Variants in SMC6 observed in about 807,000 individuals in gnomAD.
The protein encoded by SMC6 is structural maintenance of chromosomes 6.
In SMC6, 79 loss-of-function variants were observed where a neutral mutation model predicts 142.2. The ratio of observed to expected loss-of-function variants is 0.56; its 90% CI spans 0.46 to 0.67. The LOEUF (loss-of-function observed/expected upper bound fraction) is 0.67, where lower values mean the gene tolerates loss of function less well. Ranked by LOEUF, SMC6 falls within the 30% of genes least tolerant of loss-of-function variation. The probability of loss-of-function intolerance (pLI) is 0.00; values close to 1 mark genes in which losing one functional copy is unlikely to be tolerated. For synonymous variants in SMC6, 411 were observed against 412.4 expected, an observed-to-expected ratio of 1.00 and a Z score of 0.04; for missense variants, 1,072 against 1,284.0, an observed-to-expected ratio of 0.83 and a Z score of 2.52.
chr2:17,693,295 C>T (rs1667818578), intron 23 of SMC6, among the ~76,000 whole-genome samples: 1 of 152,008 alleles, frequency 6.6e-6, no homozygotes, highest in African/African-American at 2.4e-5. Flanking sequence ...AGACCTGGAA[C>T]CAACCCAAAT....
chr2:17,703,773 A>G (rs1354106307), intron 18 of SMC6, among the ~76,000 whole-genome samples: 10 of 152,128 alleles, frequency 6.6e-5, no homozygotes. Flanking sequence ...AGAATATATG[A>G]CATACTGTAT....
chr2:17,734,492 G>A (rs117643768), intron 5 of SMC6, among the ~76,000 whole-genome samples: 1,985 of 151,574 alleles, frequency 0.013, 115 homozygotes, highest in Admixed American at 0.11. Flanking sequence ...CTCTGATAAT[G>A]TAGCTAATGA....
At position 17,719,646 on chromosome 2, in the gene SMC6, T is replaced by C. The variant is rs531144289; in HGVS notation, c.945+1294A>G. Among the ~76,000 whole-genome samples, 14 of 152,278 alleles carry C rather than the reference T, an allele frequency of 9.2e-5. No individual in the cohort carries two copies. In the South Asian group the frequency reaches 2.1e-3, roughly 23 times the overall value. On this transcript the variant is annotated intron_variant, in intron 11 of 27. Transcript: ENST00000448223. ...GCCTTACCTGATGATAAGCTGAGAATTGAGGGTGAGAAGAGAAAAATACTT... is the reference window on the plus strand; with the variant it reads ...GCCTTACCTGATGATAAGCTGAGAACTGAGGGTGAGAAGAGAAAAATACTT...
At chr2:17,725,392 A>G in intron 8 of SMC6, 34 bp from the exon 9 acceptor site, 1 of 1,473,088 alleles carries the variant, frequency 6.8e-7, no homozygotes, top group Non-Finnish European at 9.2e-7. Flanking sequence ...CGCAATTAGG[A>G]GTTTGTAAAC....
At chr2:17,726,911 T>C (rs1402817004) in intron 7 of SMC6, among the ~76,000 whole-genome samples, 1 of 152,212 alleles carries the variant, frequency 6.6e-6, no homozygotes, top group Admixed American at 6.5e-5. Context: ...CTATGTAGCC[T>C]TGGATAAGTC....
At chr2:17,719,301 G>A (rs939212637) in intron 11 of SMC6, among the ~76,000 whole-genome samples, 40 of 152,126 alleles carry the variant, frequency 2.6e-4, no homozygotes, top group Admixed American at 2.1e-3. Flanking sequence ...TTTAAAGTCT[G>A]CTTTAGACAC....
rs552558319 is a variant in SMC6 at position 17,751,418 on chromosome 2, G to C, written c.-6+1560C>G. 2.7e-5 allele frequency among the ~76,000 whole-genome samples: 4 copies of C among 148,578 alleles called. No homozygotes were observed. In the East Asian group the frequency reaches 5.9e-4, roughly 22 times the overall value. On this transcript the variant is annotated intron_variant, in intron 2 of 27. Coordinates refer to ENST00000448223, the MANE Select transcript of SMC6 (RefSeq NM_001142286.2). ...TCGCTTGAACCCGGGAGGCAGGATT[G>C]CACCACTGCACTCCAACCTCGGCGA...
rs1399071222 is a variant in SMC6, at chr2:17,664,523, C to G, written c.*976G>C. ...CATTCTTAAAAAGTTTAGCATGAAT[C>G]CTAGTATCAAACAAATAATACAGGG... is the stretch of plus-strand genomic sequence containing the variant. On this transcript the variant is annotated 3_prime_UTR_variant, in exon 28 of 28. Transcript: ENST00000448223. 6.6e-6 allele frequency: 1 copy of G among 152,150 alleles called. No homozygotes were observed. Among genetic ancestry groups the G allele is most frequent in the East Asian group, 1.9e-4 (1 of 5,200 alleles). The allele number at this position is 152,150 out of a possible 1,614,324, so 9.4% of individuals were successfully genotyped here.
intron 7 of SMC6, 31 bp downstream of exon 7, chr2:17,731,047 A>G (rs1325799310): frequency 3.2e-6 from 5 of 1,557,656 alleles, no homozygotes; most frequent in Non-Finnish European, 4.4e-6. Context: ...AAGGTGTATG[A>G]ATTAATCTGA....
At position 17,701,233 on chromosome 2, in the gene SMC6, A is replaced by T. The variant is rs542351060; in HGVS notation, c.2223+596T>A. On this transcript the variant is annotated intron_variant, in intron 20 of 27. Transcript: ENST00000448223. ...GCACTGCTGTATTCCTTAGCAGTTA[A>T]TATGCTTCCTGATACAGAGCAGACA... Among the ~76,000 whole-genome samples the T allele has an allele frequency of 1.8e-3, 272 of 152,140 alleles. 6 individuals carry two copies. The highest frequency in any genetic ancestry group is 0.01 in the Middle Eastern group (3 of 294).
chr2:17,691,233 T>TACACACAC (rs138226968), intron 23 of SMC6, among the ~76,000 whole-genome samples: 2 of 123,162 alleles, frequency 1.6e-5, no homozygotes, highest in Non-Finnish European at 3.5e-5. Context: ...AAAATGTGTA[T>TACACACAC]ACACACACAC....
rs753582610 is a variant in SMC6 at position 17,718,133 on chromosome 2, A to T, written c.1036T>A (p.Cys346Ser). The T allele has an allele frequency of 6.2e-7, 1 of 1,611,806 alleles. No homozygotes were observed. The highest frequency in any genetic ancestry group is 8.5e-7 in the Non-Finnish European group (1 of 1,178,596). The change falls in exon 12 of 28, where the codon TGT becomes AGT. Residue 346 changes from cysteine (C) to serine (S), a missense_variant. Transcript: ENST00000448223. ...ACAACATCTGCTTTCAATGCCATAC[A>T]TTCTGGTGCTCGTGCATTTGTCTCT... ...SEETNARAPE[C>S]MALKADVVAK...
At chr2:17,717,856 A>T (rs1669174179) in intron 12 of SMC6, among the ~76,000 whole-genome samples, 1 of 151,746 alleles carries the variant, frequency 6.6e-6, no homozygotes, top group Non-Finnish European at 1.5e-5. Flanking sequence ...GTGGTGACAG[A>T]TGTCTGTAGT....
At chr2:17,713,308 T>C (rs1319516560) in intron 16 of SMC6, 12 of 335,334 alleles carry the variant, frequency 3.6e-5, no homozygotes, top group African/African-American at 6.6e-5. Flanking sequence ...TCATTCTCCT[T>C]GGTAGCCAAT....
At chr2:17,731,634 C>A in intron 6 of SMC6, 107 bp downstream of exon 6, 1 of 1,109,722 alleles carries the variant, frequency 9.0e-7, no homozygotes. Flanking sequence ...ATGCACACAA[C>A]CAATCATGTT....
Position 17,700,247 on chromosome 2 carries a change from G to C in SMC6, c.2355C>G (p.Phe785Leu). 2 of 1,607,722 alleles carry C rather than the reference G, an allele frequency of 1.2e-6. No individual in the cohort carries two copies. Among genetic ancestry groups the C allele is most frequent in the Non-Finnish European group, 1.7e-6 (2 of 1,177,156 alleles). Residue 785 changes from phenylalanine (F) to leucine (L), a missense_variant, in exon 21 of 28, where the codon TTC becomes TTG. By Grantham distance (22) the Phe-to-Leu change is conservative. This residue lies in a region of SMC6 where 994 missense variants were observed against 1,153.2 expected (regional missense o/e 0.86). Coordinates refer to ENST00000448223, the MANE Select transcript of SMC6 (RefSeq NM_001142286.2). Reference protein sequence around the residue: ...EAENKYDAIKFKINQLSELAD... With the variant: ...EAENKYDAIKLKINQLSELAD... ...CTAGCTCCGATAGTTGATTAATTTTGAATTTAATTGCATCATACTTATTTT... is the reference window on the plus strand; with the variant it reads ...CTAGCTCCGATAGTTGATTAATTTTCAATTTAATTGCATCATACTTATTTT...
Position 17,664,390 on chromosome 2 carries a change from A to T in SMC6, c.*1109T>A, listed in dbSNP as rs1433985448. 2 of 152,182 alleles carry T rather than the reference A, an allele frequency of 1.3e-5. No individual in the cohort carries two copies. The highest frequency in any genetic ancestry group is 6.5e-5 in the Admixed American group (1 of 15,274). The allele number at this position is 152,182 out of a possible 1,614,324, so 9.4% of individuals were successfully genotyped here. A position where few individuals can be genotyped will look rare whatever the true frequency, so the allele number is the denominator to read the frequency against. ...TCCAGTTTTCCTCAATAACTAGAGA[A>T]CAGTCCCTGCTCTTAATATACTGCC... is the stretch of plus-strand genomic sequence containing the variant. On this transcript the variant is annotated 3_prime_UTR_variant, in exon 28 of 28. Transcript: ENST00000448223.
At chr2:17,740,789 GCATTGAGCCGAGATCGCACCA>G (rs776222210) in intron 4 of SMC6, 7 of 417,334 alleles carry the variant, frequency 1.7e-5, no homozygotes, top group Middle Eastern at 7.5e-4. Flanking sequence ...GGCAGAGGTT[GCATTGAGCCGAGATCGCACCA>G]CTGCACTCCA....
At chr2:17,704,837 C>T (rs1355742495) in intron 18 of SMC6, among the ~76,000 whole-genome samples, 1 of 151,914 alleles carries the variant, frequency 6.6e-6, no homozygotes, top group East Asian at 1.9e-4. Context: ...GAGAATAGCG[C>T]AATTTCTGAT....
Sources: allele counts gnomAD v4.1 joint callset (sites outside exome capture counted in the v4.1 genomes callset), GRCh38; gene constraint gnomAD v4.1.1; regional missense constraint gnomAD v4.1.1; transcripts MANE v1.5; gene names NCBI Gene and HGNC (gene_info 2026-07-23, HGNC 2026-07-21).